Variants in UNC80 observed in about 807,000 individuals in gnomAD.
UNC80 encodes unc-80 subunit of NALCN channel complex.
A neutral mutation model predicts 384.6 loss-of-function variants in UNC80; 164 were observed. The observed-to-expected ratio is 0.43, with a 90% confidence interval of 0.38 to 0.49. UNC80 has a LOEUF of 0.49. Among genes scored for constraint, UNC80 ranks in the 20% least tolerant of loss-of-function variants. The pLI is 0.00. For synonymous variants in UNC80, 1,486 were observed against 1,527.8 expected (o/e 0.97, Z 0.64); for missense variants, 3,330 against 4,143.0 (o/e 0.80, Z 5.39).
chr2:209,901,474 C>G (rs1017991612), intron 28 of UNC80, among the ~76,000 whole-genome samples: 3 of 152,084 alleles, frequency 2.0e-5, no homozygotes, highest in Admixed American at 6.6e-5. Flanking sequence ...AAATTTCTTT[C>G]AATAGATTGC....
intron 31 of UNC80, among the ~76,000 whole-genome samples, chr2:209,917,223 A>G (rs1373019377): frequency 6.6e-6 from 1 of 152,222 alleles, no homozygotes; most frequent in Non-Finnish European, 1.5e-5. Context: ...ATAACCTATC[A>G]TGGAACCTGG....
intron 7 of UNC80, among the ~76,000 whole-genome samples, chr2:209,805,910 T>C (rs2153826639): frequency 6.6e-6 from 1 of 152,272 alleles, no homozygotes; most frequent in East Asian, 1.9e-4. Context: ...GGGGGCTATG[T>C]TGGAGGCTGG....
chr2:209,955,373 G>C (rs1037793339), intron 48 of UNC80, among the ~76,000 whole-genome samples: 4 of 152,010 alleles, frequency 2.6e-5, no homozygotes, highest in Non-Finnish European at 4.4e-5. Context: ...TTCTAATCAT[G>C]AGCTACATTG....
intron 61 of UNC80, among the ~76,000 whole-genome samples, chr2:209,986,766 A>C (rs1317680323): frequency 6.6e-6 from 1 of 152,226 alleles, no homozygotes; most frequent in African/African-American, 2.4e-5. Flanking sequence ...TCTACCAACC[A>C]GTAGCACATC....
At chr2:209,957,517 C>T in intron 48 of UNC80, 127 bp from the exon 49 acceptor site, 1 of 748,966 alleles carries the variant, frequency 1.3e-6, no homozygotes, top group African/African-American at 1.8e-5. Flanking sequence ...GCTAGACAGC[C>T]TGTCTTTTGA....
intron 13 of UNC80, among the ~76,000 whole-genome samples, chr2:209,820,980 C>T (rs1352061036): frequency 6.6e-6 from 1 of 152,178 alleles, no homozygotes; most frequent in East Asian, 1.9e-4. Flanking sequence ...AGTCTGACGC[C>T]AAGTATAACC....
At chr2:209,789,068 CTATGTCA>C (rs533045258) in intron 5 of UNC80, among the ~76,000 whole-genome samples, 707 of 152,264 alleles carry the variant, frequency 4.6e-3, no homozygotes, top group Non-Finnish European at 7.5e-3. Context: ...AAGCACTAGG[CTATGTCA>C]TATAGCCTAG....
rs118027642 is a variant in UNC80, at chr2:209,880,735, G to A, written c.3977-226G>A. Among the ~76,000 whole-genome samples, 586 of 152,276 alleles carry A rather than the reference G, an allele frequency of 3.8e-3. 1 individual carries two copies. The highest frequency in any genetic ancestry group is 5.6e-3 in the Admixed American group (86 of 15,290). On this transcript the variant is annotated intron_variant, in intron 24 of 64. Coordinates refer to ENST00000673920, the MANE Select transcript of UNC80 (RefSeq NM_001371986.1). The stretch of plus-strand genomic sequence containing the variant: ...CTCTGTAGAATTTGCAAAATGGAGG[G>A]AGAGAGATGCTTATGTTAGTGCATA...
At chr2:209,850,138 T>G (rs1202040600) in intron 22 of UNC80, among the ~76,000 whole-genome samples, 1 of 152,082 alleles carries the variant, frequency 6.6e-6, no homozygotes, top group African/African-American at 2.4e-5. Flanking sequence ...TCAATTGAAA[T>G]GAATTGCACA....
At chr2:209,841,233 G>A (rs548604779) in intron 20 of UNC80, among the ~76,000 whole-genome samples, 3 of 152,288 alleles carry the variant, frequency 2.0e-5, no homozygotes, top group African/African-American at 7.2e-5. Flanking sequence ...TATGATAAGA[G>A]TTATGTTTCC....
At chr2:209,828,013 TTC>T in intron 14 of UNC80, among the ~76,000 whole-genome samples, 1 of 152,208 alleles carries the variant, frequency 6.6e-6, no homozygotes, top group Middle Eastern at 3.2e-3. Context: ...AAGTTTGATA[TTC>T]TTAGGCTTGC....
chr2:209,830,974 C>G (rs576240166), intron 15 of UNC80, among the ~76,000 whole-genome samples: 1 of 152,154 alleles, frequency 6.6e-6, no homozygotes, highest in Non-Finnish European at 1.5e-5. Flanking sequence ...TCCCAGCTAC[C>G]TGGTTGGCCC....
intron 23 of UNC80, among the ~76,000 whole-genome samples, chr2:209,877,171 G>A (rs2084853821): frequency 6.6e-6 from 1 of 152,062 alleles, no homozygotes; most frequent in Admixed American, 6.6e-5. Context: ...GTTGCATGCA[G>A]TATATAATTG....
intron 51 of UNC80, among the ~76,000 whole-genome samples, chr2:209,965,571 C>T (rs890641665): frequency 2.0e-5 from 3 of 151,776 alleles, no homozygotes; most frequent in African/African-American, 7.3e-5. Flanking sequence ...CGGGTGCCCA[C>T]CACCACGCCC....
At position 209,894,207 on chromosome 2, in the gene UNC80, A is replaced by G. The variant is rs982240216; in HGVS notation, c.4321A>G (p.Ile1441Val). The G allele has an allele frequency of 1.0e-6, 1 of 985,328 alleles. No individual in the cohort carries two copies. 61.0% of individuals were successfully genotyped at this position (985,328 alleles called of 1,614,324 possible). A position where few individuals can be genotyped will look rare whatever the true frequency, so the allele number is the denominator to read the frequency against. ...IRIGGSRLLQ[I>V]KGTRSFQVKK... ...GATAGGAGGTTCTCGCCTGCTCCAGATTAAAGGAACCCGCAGTTTCCAGGT... is the reference window on the plus strand; with the variant it reads ...GATAGGAGGTTCTCGCCTGCTCCAGGTTAAAGGAACCCGCAGTTTCCAGGT... The change falls in exon 27 of 65, where the codon ATT becomes GTT. Residue 1441 changes from isoleucine (I) to valine (V), a missense_variant. Physicochemically the swap from Ile to Val is conservative, Grantham distance 29. Coordinates refer to ENST00000673920, the MANE Select transcript of UNC80 (RefSeq NM_001371986.1).
intron 27 of UNC80, among the ~76,000 whole-genome samples, chr2:209,895,828 A>G (rs546161046): frequency 6.6e-6 from 1 of 152,320 alleles, no homozygotes; most frequent in Admixed American, 6.5e-5. Flanking sequence ...TTAGGTTTTC[A>G]GAGGTACCTG....
In UNC80 at chr2:209,941,315, A is replaced by T; in HGVS notation, c.6741A>T (p.Pro2247=). 6.4e-7 allele frequency: 1 copy of T among 1,550,796 alleles called. No homozygotes were observed. The highest frequency in any genetic ancestry group is 8.7e-7 in the Non-Finnish European group (1 of 1,146,254). The change falls in exon 44 of 65, where the codon CCA becomes CCT. Residue 2247 remains proline, a synonymous_variant. Coordinates refer to ENST00000673920, the MANE Select transcript of UNC80 (RefSeq NM_001371986.1). ...TCCTGGGCATGCCGAGCGAGTTTCC[A>T]TGGGGAGACGAAATCATGCTTTTCC... The part of the protein sequence containing the change: ...EMFLGMPSEF[P]WGDEIMLFLN...
chr2:209,848,459 G>A (rs368847807), intron 21 of UNC80, among the ~76,000 whole-genome samples: 1 of 152,068 alleles, frequency 6.6e-6, no homozygotes, highest in Non-Finnish European at 1.5e-5. Flanking sequence ...GCTTATGAAA[G>A]TGTTCAAACG....
intron 28 of UNC80, among the ~76,000 whole-genome samples, chr2:209,903,806 A>G (rs553056284): frequency 6.6e-6 from 1 of 151,434 alleles, no homozygotes; most frequent in African/African-American, 2.4e-5. Flanking sequence ...CAGCTTAGCT[A>G]GGTCCTCTGC....
Sources: allele counts gnomAD v4.1 joint callset (sites outside exome capture counted in the v4.1 genomes callset), GRCh38; gene constraint gnomAD v4.1.1; transcripts MANE v1.5; gene names NCBI Gene and HGNC (gene_info 2026-07-23, HGNC 2026-07-21).